The following GALNT13 variants were observed in gnomAD, a reference collection of about 807,000 sequenced individuals.
GALNT13 encodes the protein UDP-GalNAc:polypeptide N-acetylgalactosaminyltransferase 13.
In GALNT13, 28 loss-of-function variants were observed where a neutral mutation model predicts 64.2. That is an observed-to-expected ratio of 0.44 (90% CI 0.32 to 0.60). GALNT13 has a LOEUF of 0.60. Among genes scored for constraint, GALNT13 ranks in the 20% least tolerant of loss-of-function variants. The probability of loss-of-function intolerance (pLI) is 0.05; values close to 1 mark genes in which losing one functional copy is unlikely to be tolerated. For synonymous variants in GALNT13, 214 were observed against 224.6 expected (o/e 0.95, Z 0.42); for missense variants, 577 against 669.8 (o/e 0.86, Z 1.53).
chr2:153,070,089 C>T, the GALNT13 span, among the ~76,000 whole-genome samples: 3 of 152,106 alleles, frequency 2.0e-5, no homozygotes, highest in African/African-American at 7.2e-5. Context: ...ACTTCAACTA[C>T]TTGAGGAGTT....
chr2:153,118,786 G>A, the GALNT13 span, among the ~76,000 whole-genome samples: 1 of 152,126 alleles, frequency 6.6e-6, no homozygotes, highest in African/African-American at 2.4e-5. Context: ...CTATCAAATA[G>A]ATAAAATTAT....
chr2:154,224,855 G>A (rs1688504976), intron 4 of GALNT13, among the ~76,000 whole-genome samples: 1 of 152,014 alleles, frequency 6.6e-6, no homozygotes, highest in Admixed American at 6.6e-5. Flanking sequence ...TGGTGATACT[G>A]CACATGCAAC....
At chr2:154,281,051 T>C (rs1042460321) in intron 8 of GALNT13, among the ~76,000 whole-genome samples, 1 of 152,178 alleles carries the variant, frequency 6.6e-6, no homozygotes, top group Non-Finnish European at 1.5e-5. Flanking sequence ...TTTCAAAGCC[T>C]CCAGGATGTA....
At chr2:153,562,580 T>C in the GALNT13 span, among the ~76,000 whole-genome samples, 2 of 152,186 alleles carry the variant, frequency 1.3e-5, no homozygotes, top group Admixed American at 1.3e-4. Flanking sequence ...ACTATAGTCA[T>C]AGTTTTACAG....
chr2:153,647,242 G>T, the GALNT13 span, among the ~76,000 whole-genome samples: 5 of 152,086 alleles, frequency 3.3e-5, no homozygotes, highest in Non-Finnish European at 5.9e-5. Flanking sequence ...TCATGTATCT[G>T]TTGGCTGCAT....
At chr2:154,095,316 C>A (rs1207386450) in intron 3 of GALNT13, among the ~76,000 whole-genome samples, 1 of 151,662 alleles carries the variant, frequency 6.6e-6, no homozygotes, top group African/African-American at 2.4e-5. Flanking sequence ...AGATCTGCTA[C>A]TAGATGATGC....
the GALNT13 span, among the ~76,000 whole-genome samples, chr2:153,659,779 G>A: frequency 6.6e-6 from 1 of 152,160 alleles, no homozygotes; most frequent in East Asian, 1.9e-4. Context: ...TGCTCCACAA[G>A]GAGCAGTAAA....
At chr2:154,080,313 G>C (rs1026048057) in intron 3 of GALNT13, among the ~76,000 whole-genome samples, 1 of 151,460 alleles carries the variant, frequency 6.6e-6, no homozygotes, top group Admixed American at 6.6e-5. Flanking sequence ...AGAGGGAGAA[G>C]TAAAAGGAAA....
At chr2:153,828,989 A>T in the GALNT13 span, among the ~76,000 whole-genome samples, 1 of 152,170 alleles carries the variant, frequency 6.6e-6, no homozygotes, top group East Asian at 1.9e-4. Flanking sequence ...CTAAAGCATA[A>T]CAAGAGTCAC....
chr2:153,333,517 C>T, the GALNT13 span, among the ~76,000 whole-genome samples: 497 of 152,204 alleles, frequency 3.3e-3, no homozygotes, highest in Middle Eastern at 6.8e-3. Context: ...GGTCTTTATG[C>T]ACTATCTTGC....
intron 9 of GALNT13, among the ~76,000 whole-genome samples, chr2:154,382,360 G>A (rs1698312702): frequency 6.6e-6 from 1 of 152,086 alleles, no homozygotes; most frequent in South Asian, 2.1e-4. Context: ...CTTTCATCAT[G>A]ACTGAATGTT....
At chr2:154,352,320 G>GT (rs1425599328) in intron 9 of GALNT13, among the ~76,000 whole-genome samples, 1 of 152,142 alleles carries the variant, frequency 6.6e-6, no homozygotes, top group African/African-American at 2.4e-5. Context: ...TTCTGGGACA[G>GT]TTTATAAGAT....
chr2:153,777,225 G>T, the GALNT13 span, among the ~76,000 whole-genome samples: 1 of 152,116 alleles, frequency 6.6e-6, no homozygotes, highest in South Asian at 2.1e-4. Context: ...TGATGTTTGA[G>T]GAGGAAATAA....
At chr2:153,231,011 T>A in the GALNT13 span, among the ~76,000 whole-genome samples, 1 of 152,208 alleles carries the variant, frequency 6.6e-6, no homozygotes, top group East Asian at 1.9e-4. Flanking sequence ...TTGATTGTCT[T>A]AACCAGTGGC....
the GALNT13 span, among the ~76,000 whole-genome samples, chr2:153,778,949 A>G: frequency 5.3e-5 from 8 of 152,354 alleles, no homozygotes; most frequent in South Asian, 1.7e-3. Flanking sequence ...GGTAAGATTC[A>G]TATTCAAATC....
intron 4 of GALNT13, among the ~76,000 whole-genome samples, chr2:154,215,897 C>A (rs1419335002): frequency 1.3e-5 from 2 of 151,956 alleles, no homozygotes; most frequent in Non-Finnish European, 2.9e-5. Context: ...GCTCATTTAA[C>A]CTTAGGCATC....
chr2:154,206,978 C>G (rs1372560968), intron 4 of GALNT13, among the ~76,000 whole-genome samples: 1 of 152,034 alleles, frequency 6.6e-6, no homozygotes, highest in Non-Finnish European at 1.5e-5. Context: ...TACTTTTTAC[C>G]ATGATAATTT....
intron 3 of GALNT13, among the ~76,000 whole-genome samples, chr2:153,946,659 T>C (rs1383627479): frequency 2.0e-5 from 3 of 151,494 alleles, no homozygotes; most frequent in Admixed American, 6.6e-5. Flanking sequence ...ACTAATTGCA[T>C]TCATGAAGGT....
chr2:154,147,330 A>T (rs1388433564), intron 4 of GALNT13, among the ~76,000 whole-genome samples: 1 of 150,080 alleles, frequency 6.7e-6, no homozygotes, highest in Non-Finnish European at 1.5e-5. Flanking sequence ...TATGTATTTG[A>T]ATGGAATATA....
Sources: gnomAD v4.1 joint callset for allele counts (sites outside exome capture counted in the v4.1 genomes callset) on GRCh38, gnomAD v4.1.1 for gene constraint, MANE v1.5 for transcripts, NCBI Gene and HGNC (gene_info 2026-07-23, HGNC 2026-07-21) for gene names.